The following DDX24 variants were observed in gnomAD, a reference collection of about 807,000 sequenced individuals.
DDX24 encodes the protein ATP-dependent RNA helicase DDX24.
DDX24 carries 24 observed loss-of-function variants against 68.9 expected under a neutral mutation model. The observed-to-expected ratio is 0.35, with a 90% CI of 0.25 to 0.49. The LOEUF is 0.49. Ranked by LOEUF, DDX24 falls within the 20% of genes least tolerant of loss-of-function variation. The pLI is 0.99. For synonymous variants in DDX24, 395 were observed against 385.2 expected (o/e 1.03, Z -0.30); for missense variants, 989 against 1,039.0 (o/e 0.95, Z 0.66).
chr14:94,053,311 C>G, intron 7 of DDX24, 184 bp from the exon 8 acceptor site: 1 of 584,006 alleles, frequency 1.7e-6, no homozygotes, highest in Admixed American at 3.9e-5. Context: ...ATCCTCCCAC[C>G]TCAGCCTCCC....
At chr14:94,065,538 A>T (rs879533835) in intron 2 of DDX24, among the ~76,000 whole-genome samples, 13 of 152,222 alleles carry the variant, frequency 8.5e-5, no homozygotes, top group Admixed American at 8.5e-4. Context: ...CTCCTGAAAG[A>T]GCAGCAAGGG....
chr14:94,057,754 C>T, intron 6 of DDX24, 68 bp downstream of exon 6: 1 of 1,503,890 alleles, frequency 6.6e-7, no homozygotes. Flanking sequence ...CCTCCCTCCC[C>T]CAACCTTTGC....
At position 94,079,670 on chromosome 14, in the gene DDX24, C is replaced by T. The variant is rs1186869103; in HGVS notation, c.73G>A (p.Val25Ile). 6.2e-7 allele frequency: 1 copy of T among 1,614,086 alleles called. No individual in the cohort carries two copies. The highest frequency in any genetic ancestry group is 8.5e-7 in the Non-Finnish European group (1 of 1,180,044). ...CGKFQTKGIK[V>I]VGKWKEVKID... Reference sequence around the variant, plus strand: ...TTCACTTCCTTCCATTTTCCCACAACTTTGATTCCCTTTGTCTGAAATTTG... The same window carrying T: ...TTCACTTCCTTCCATTTTCCCACAATTTTGATTCCCTTTGTCTGAAATTTG... The change falls in exon 2 of 9, where the codon GTT becomes ATT. Residue 25 changes from valine (V) to isoleucine (I), a missense_variant. Coordinates refer to ENST00000621632, the MANE Select transcript of DDX24 (RefSeq NM_020414.4).
chr14:94,076,890 T>C (rs956522814), intron 2 of DDX24, among the ~76,000 whole-genome samples: 2 of 152,128 alleles, frequency 1.3e-5, no homozygotes, highest in Admixed American at 1.3e-4. Context: ...ACAGAATTTC[T>C]TCCACCTCAG....
Position 94,079,083 on chromosome 14 carries a change from G to C in DDX24, c.660C>G (p.Ala220=). 6.2e-7 allele frequency: 1 copy of C among 1,614,158 alleles called. No homozygotes were observed. The highest frequency in any genetic ancestry group is 8.5e-7 in the Non-Finnish European group (1 of 1,180,034). ...CACGGATGGCAGGTGCCAAGGTCAG[G>C]GCTTGGATTGGTGTGGGTGCAGAGA... ...LGFSAPTPIQ[A]LTLAPAIRDK... The change falls in exon 2 of 9, where the codon GCC becomes GCG. Residue 220 remains alanine, a synonymous_variant. Coordinates refer to ENST00000621632, the MANE Select transcript of DDX24 (RefSeq NM_020414.4).
chr14:94,079,831 G>C, intron 1 of DDX24, 84 bp from the exon 2 acceptor site: 1 of 1,268,802 alleles, frequency 7.9e-7, no homozygotes, highest in Non-Finnish European at 1.1e-6. Flanking sequence ...AAGCAACTAG[G>C]CCCTACAAAG....
At chr14:94,074,053 A>G (rs1000081904) in intron 2 of DDX24, among the ~76,000 whole-genome samples, 4 of 151,948 alleles carry the variant, frequency 2.6e-5, no homozygotes, top group Non-Finnish European at 4.4e-5. Flanking sequence ...AAAAAAAAAA[A>G]AAAAGAAAAA....
At chr14:94,052,949 TAAAG>T (rs1332374546) in intron 8 of DDX24, 45 bp downstream of exon 8, 11 of 1,576,810 alleles carry the variant, frequency 7.0e-6, no homozygotes, top group African/African-American at 1.4e-5. Context: ...AAGCAAAAGT[TAAAG>T]AGAGATTTCA....
In DDX24 at chr14:94,079,726, G is replaced by A; in HGVS notation, c.17C>T (p.Thr6Ile). The change falls in exon 2 of 9, where the codon ACA becomes ATA. Residue 6 changes from threonine (T) to isoleucine (I), a missense_variant. Physicochemically the swap from Thr to Ile is moderately conservative, Grantham distance 89. Around this residue, in one of 3 missense-constraint regions of DDX24, gnomAD observed 295 missense variants for 263.0 expected, o/e 1.12. Coordinates refer to ENST00000621632, the MANE Select transcript of DDX24 (RefSeq NM_020414.4). ...GCTTGACTGCTTTGGCCTTGATTTTGTGTCCTTCAACTTCATGGTTGCTGA... is the reference window on the plus strand; with the variant it reads ...GCTTGACTGCTTTGGCCTTGATTTTATGTCCTTCAACTTCATGGTTGCTGA... The part of the protein sequence containing the change: MKLKD[T>I]KSRPKQSSCG... 1 of 1,613,776 alleles carries A rather than the reference G, an allele frequency of 6.2e-7. No individual in the cohort carries two copies. The highest frequency in any genetic ancestry group is 1.1e-5 in the South Asian group (1 of 91,070).
intron 2 of DDX24, among the ~76,000 whole-genome samples, chr14:94,077,748 C>T (rs1885973220): frequency 6.6e-6 from 1 of 152,142 alleles, no homozygotes; most frequent in South Asian, 2.1e-4. Flanking sequence ...AGAACATCAT[C>T]CTGAGTTTCC....
At chr14:94,071,963 G>A (rs1028396648) in intron 2 of DDX24, among the ~76,000 whole-genome samples, 2 of 152,026 alleles carry the variant, frequency 1.3e-5, no homozygotes, top group African/African-American at 2.4e-5. Flanking sequence ...AAACAATGTT[G>A]GCATGGATGT....
At position 94,062,354 on chromosome 14, in the gene DDX24, G is replaced by A. The variant is rs1460975526; in HGVS notation, c.986C>T (p.Ala329Val). The change falls in exon 3 of 9, where the codon GCG becomes GTG. Residue 329 changes from alanine to valine, a missense_variant. Physicochemically the swap from Ala to Val is moderately conservative, Grantham distance 64. Transcript: ENST00000621632. ...AKTGGTVSDQ[A>V]LLFGDDDAGE... The stretch of plus-strand genomic sequence containing the variant: ...AGCATCATCGTCACCAAAGAGCAAC[G>A]CCTGGTCTGAGACAGTGCCTCCAGT... 2.5e-6 allele frequency: 4 copies of A among 1,614,236 alleles called. No homozygotes were observed. The highest frequency in any genetic ancestry group is 1.1e-5 in the South Asian group (1 of 91,086).
chr14:94,057,865 C>T lies in DDX24; in HGVS notation c.1946G>A (p.Arg649Gln), dbSNP rs137885444. 4.3e-6 allele frequency: 7 copies of T among 1,613,720 alleles called. No individual in the cohort carries two copies. The highest frequency in any genetic ancestry group is 1.7e-5 in the Admixed American group (1 of 59,976). ...CTGGACTTTAGGAATATCCAGACCC[C>T]GAGCTGCCACATCTGTTGCCAAGAG... ...CVLLATDVAA[R>Q]GLDIPKVQHV... Residue 649 changes from arginine to glutamine, a missense_variant, in exon 6 of 9, where the codon CGG (arginine) becomes CAG (glutamine). Arg to Gln is a conservative substitution (Grantham distance 43). This residue lies in a region of DDX24 where 691 missense variants were observed against 760.0 expected (regional missense o/e 0.91). Coordinates refer to ENST00000621632, the MANE Select transcript of DDX24 (RefSeq NM_020414.4).
intron 2 of DDX24, among the ~76,000 whole-genome samples, chr14:94,077,708 T>A (rs1324890987): frequency 6.6e-6 from 1 of 152,188 alleles, no homozygotes; most frequent in African/African-American, 2.4e-5. Context: ...TTCCTGTAGT[T>A]CCTCACTCTT....
At position 94,048,694 on chromosome 14, in the gene DDX24, GC is replaced by G. The variant is rs1303584666; in HGVS notation, c.*2496del. On this transcript the variant is annotated 3_prime_UTR_variant, in exon 9 of 9. Coordinates refer to ENST00000621632, the MANE Select transcript of DDX24 (RefSeq NM_020414.4). The stretch of plus-strand genomic sequence containing the variant: ...AGCATAGGGCACTGCAGATGGGGAA[GC>G]ATGTCACCTTGGCAGTGACTCGGTG... 6.6e-6 allele frequency: 1 copy of G among 152,220 alleles called. No individual in the cohort carries two copies. The highest frequency in any genetic ancestry group is 1.5e-5 in the Non-Finnish European group (1 of 68,040). 9.4% of individuals were successfully genotyped at this position (152,220 alleles called of 1,614,324 possible).
intron 6 of DDX24, 54 bp from the exon 7 acceptor site, chr14:94,055,238 C>T (rs1228905523): frequency 1.3e-4 from 199 of 1,571,202 alleles, no homozygotes; most frequent in Non-Finnish European, 1.7e-4. Context: ...AACACTGGTC[C>T]TCTCCTCAGG....
chr14:94,051,397 G>C lies in DDX24; in HGVS notation c.2374C>G (p.Leu792Val), dbSNP rs1425270842. The change falls in exon 9 of 9, where the codon CTG becomes GTG. Residue 792 changes from leucine to valine, a missense_variant. Physicochemically the swap from Leu to Val is conservative, Grantham distance 32 (BLOSUM62 1). Around this residue, in one of 3 missense-constraint regions of DDX24, gnomAD observed 691 missense variants for 760.0 expected, o/e 0.91. Coordinates refer to ENST00000621632, the MANE Select transcript of DDX24 (RefSeq NM_020414.4). ...AGTGGCTGGGACAGCAGGTGGCGCAGCTCCTTCTTCAGAACCTTCATCTGC... is the reference window on the plus strand; with the variant it reads ...AGTGGCTGGGACAGCAGGTGGCGCACCTCCTTCTTCAGAACCTTCATCTGC... ...QKQMKVLKKE[L>V]RHLLSQPLFT... The C allele has an allele frequency of 1.9e-6, 3 of 1,606,998 alleles. No individual in the cohort carries two copies. Among genetic ancestry groups the C allele is most frequent in the Admixed American group, 1.7e-5 (1 of 58,366 alleles).
rs1158233237 is a variant in DDX24 at position 94,053,073 on chromosome 14, C to A, written c.2233G>T (p.Ala745Ser). ...IEKSEYRNFQACLHNSWIEQA... is the reference protein window; with the variant it reads ...IEKSEYRNFQSCLHNSWIEQA... ...TCAATCCAAGAGTTGTGCAGGCAAGCCTGGAAGTTCCGATACTCAGATTTC... is the reference window on the plus strand; with the variant it reads ...TCAATCCAAGAGTTGTGCAGGCAAGACTGGAAGTTCCGATACTCAGATTTC... The change falls in exon 8 of 9, where the codon GCT (alanine) becomes TCT (serine). Residue 745 changes from alanine (A) to serine (S), a missense_variant. Ala to Ser is a moderately conservative substitution (Grantham distance 99). Coordinates refer to ENST00000621632, the MANE Select transcript of DDX24 (RefSeq NM_020414.4). 1.9e-6 allele frequency: 3 copies of A among 1,614,056 alleles called. No homozygotes were observed. Among genetic ancestry groups the A allele is most frequent in the African/African-American group, 1.3e-5 (1 of 74,906 alleles).
chr14:94,064,288 C>G (rs576765510), intron 2 of DDX24, among the ~76,000 whole-genome samples: 1 of 152,354 alleles, frequency 6.6e-6, no homozygotes, highest in East Asian at 1.9e-4. Context: ...TTCTCAGTGA[C>G]AGGGGCATCT....
Sources: gnomAD v4.1 joint callset for allele counts (sites outside exome capture counted in the v4.1 genomes callset) on GRCh38, gnomAD v4.1.1 for gene constraint, gnomAD v4.1.1 regional missense constraint, MANE v1.5 for transcripts, NCBI Gene and HGNC (gene_info 2026-07-23, HGNC 2026-07-21) for gene names.